GLIS1: variants seen among roughly 807,000 people sequenced by gnomAD.
The protein encoded by GLIS1 is GLIS family zinc finger 1, also known as zinc finger protein GLIS1.
GLIS1 carries 24 observed loss-of-function variants against 63.8 expected under a neutral mutation model. That is an observed-to-expected ratio of 0.38 (90% confidence interval 0.27 to 0.53). GLIS1 has a LOEUF of 0.53. Ranked by LOEUF, GLIS1 falls within the 20% of genes least tolerant of loss-of-function variation. The pLI is 0.85. For synonymous variants in GLIS1, 450 were observed against 482.5 expected, an observed-to-expected ratio of 0.93 and a Z score of 0.88; for missense variants, 1,036 against 1,074.1, an observed-to-expected ratio of 0.96 and a Z score of 0.50.
chr1:53,509,808 A>G (rs761016405), intron 9 of GLIS1, 41 bp downstream of exon 9: 1 of 1,197,276 alleles, frequency 8.4e-7, no homozygotes, highest in South Asian at 3.9e-5. Flanking sequence ...CTAAGTGGGA[A>G]TTGGGGGGTT....
chr1:53,687,397 T>C (rs1008320914), intron 2 of GLIS1, among the ~76,000 whole-genome samples: 5 of 152,138 alleles, frequency 3.3e-5, no homozygotes, highest in African/African-American at 1.2e-4. Flanking sequence ...TTACTCCCAG[T>C]CATTCCAAGG....
chr1:53,567,072 C>T (rs896553312), intron 4 of GLIS1, among the ~76,000 whole-genome samples: 3 of 152,104 alleles, frequency 2.0e-5, no homozygotes, highest in Non-Finnish European at 4.4e-5. Context: ...TGGGAAAGTT[C>T]GGAACTTCCT....
chr1:53,604,014 A>G lies in GLIS1; in HGVS notation c.260-3736T>C, dbSNP rs544187624. The stretch of plus-strand genomic sequence containing the variant: ...GGTAAGAATTTCATTTGGTTTTCTC[A>G]TCAAGCCTCAATGTTCTTATCTGTA... On this transcript the variant is annotated intron_variant, in intron 2 of 10. Transcript: ENST00000628545. 3.3e-5 allele frequency among the ~76,000 whole-genome samples: 5 copies of G among 152,352 alleles called. No individual in the cohort carries two copies. The East Asian group carries it at 9.6e-4, about 29-fold the overall frequency.
At chr1:53,693,392 G>A (rs1646428696) in intron 2 of GLIS1, among the ~76,000 whole-genome samples, 1 of 152,130 alleles carries the variant, frequency 6.6e-6, no homozygotes, top group Non-Finnish European at 1.5e-5. Flanking sequence ...CAAACCTTCT[G>A]GACACCCAGC....
At position 53,626,422 on chromosome 1, in the gene GLIS1, G is replaced by A. The variant is rs574827109; in HGVS notation, c.260-26144C>T. ...CTTCTGCTCCAAACCCTCTTCTGTG[G>A]CTCCTGTTCCCAGGGCTGCTACTCC... On this transcript the variant is annotated intron_variant, in intron 2 of 10. Transcript: ENST00000628545. 1.2e-4 allele frequency among the ~76,000 whole-genome samples: 19 copies of A among 152,224 alleles called. No individual in the cohort carries two copies. In the East Asian group the frequency reaches 3.1e-3, roughly 25 times the overall value.
chr1:53,681,694 G>C (rs1448336333), intron 2 of GLIS1, among the ~76,000 whole-genome samples: 1 of 152,204 alleles, frequency 6.6e-6, no homozygotes, highest in Non-Finnish European at 1.5e-5. Flanking sequence ...CCCACCAGTG[G>C]TAACCACCCC....
intron 7 of GLIS1, 48 bp from the exon 8 acceptor site, chr1:53,514,829 G>C: frequency 6.6e-7 from 1 of 1,505,234 alleles, no homozygotes; most frequent in South Asian, 1.3e-5. Flanking sequence ...ACTCCCTAGA[G>C]ATGGTTGTGA....
intron 4 of GLIS1, among the ~76,000 whole-genome samples, chr1:53,582,610 A>G (rs1472287193): frequency 6.6e-6 from 1 of 152,206 alleles, no homozygotes; most frequent in Non-Finnish European, 1.5e-5. Context: ...GACAAGAGCC[A>G]GTGTTCTTCA....
chr1:53,603,008 G>T (rs924464538), intron 2 of GLIS1, among the ~76,000 whole-genome samples: 1 of 152,346 alleles, frequency 6.6e-6, no homozygotes, highest in Non-Finnish European at 1.5e-5. Flanking sequence ...AAAGCAGTTT[G>T]CCAAGGTCAC....
intron 2 of GLIS1, among the ~76,000 whole-genome samples, chr1:53,664,343 G>A (rs965884024): frequency 9.2e-5 from 14 of 152,196 alleles, no homozygotes; most frequent in African/African-American, 2.4e-4. Flanking sequence ...GTCAGAGTAC[G>A]ATGTACTGCT....
intron 5 of GLIS1, among the ~76,000 whole-genome samples, chr1:53,525,214 C>G (rs1276837316): frequency 6.6e-6 from 1 of 151,836 alleles, no homozygotes; most frequent in African/African-American, 2.4e-5. Flanking sequence ...CAAGTCCACC[C>G]TTTGGACCCC....
rs566981747 is a variant in GLIS1 at position 53,645,594 on chromosome 1, C to T, written c.260-45316G>A. Among the ~76,000 whole-genome samples the T allele has an allele frequency of 2.0e-5, 3 of 152,344 alleles. 1 individual carries two copies. In the South Asian group the frequency reaches 6.2e-4, roughly 32 times the overall value. On this transcript the variant is annotated intron_variant, in intron 2 of 10. Transcript: ENST00000628545. ...ATGGCCGAGGGGATGGCCTGCCCAA[C>T]AGCAAGACCCCCTATGAACCACAAC...
intron 4 of GLIS1, among the ~76,000 whole-genome samples, chr1:53,556,210 G>T (rs1395731015): frequency 4.3e-5 from 6 of 141,140 alleles, no homozygotes; most frequent in African/African-American, 1.6e-4. Flanking sequence ...CAGGTGTATT[G>T]CAGGTGTGTG....
intron 2 of GLIS1, among the ~76,000 whole-genome samples, chr1:53,709,651 A>G (rs1646625604): frequency 6.6e-6 from 1 of 152,148 alleles, no homozygotes. Flanking sequence ...TTTTTAAAGG[A>G]AAGTCAGGGT....
chr1:53,582,586 C>T (rs747467873), intron 4 of GLIS1, among the ~76,000 whole-genome samples: 1 of 152,186 alleles, frequency 6.6e-6, no homozygotes, highest in Admixed American at 6.5e-5. Context: ...GGGAAATTTC[C>T]TCCCAGTGCA....
intron 4 of GLIS1, among the ~76,000 whole-genome samples, chr1:53,544,340 G>A (rs937085337): frequency 6.6e-6 from 1 of 152,140 alleles, no homozygotes; most frequent in Non-Finnish European, 1.5e-5. Context: ...GAAGGGGAAG[G>A]TTGGGAGCCA....
At chr1:53,681,635 G>C (rs56659205) in intron 2 of GLIS1, among the ~76,000 whole-genome samples, 2,233 of 152,316 alleles carry the variant, frequency 0.015, 52 homozygotes, top group African/African-American at 0.051. Flanking sequence ...CTCCAGGATG[G>C]CTATTTCTTT....
chr1:53,623,607 TA>T (rs1208962483), intron 2 of GLIS1, among the ~76,000 whole-genome samples: 1 of 152,138 alleles, frequency 6.6e-6, no homozygotes, highest in African/African-American at 2.4e-5. Flanking sequence ...TAACCTCAGA[TA>T]ACATGATTGT....
chr1:53,617,455 G>A (rs544772476), intron 2 of GLIS1, among the ~76,000 whole-genome samples: 5 of 152,362 alleles, frequency 3.3e-5, no homozygotes, highest in Admixed American at 6.5e-5. Flanking sequence ...GTAAATTGAG[G>A]AAAGACTATG....
Sources: allele counts gnomAD v4.1 joint callset (sites outside exome capture counted in the v4.1 genomes callset), GRCh38; gene constraint gnomAD v4.1.1; transcripts MANE v1.5; gene names NCBI Gene and HGNC (gene_info 2026-07-23, HGNC 2026-07-21).